CA3: variants seen among roughly 807,000 people sequenced by gnomAD.
The protein encoded by CA3 is carbonic anhydrase 3.
CA3 carries 30 observed loss-of-function variants against 35.7 expected under a neutral mutation model. The observed-to-expected ratio is 0.84, with a 90% CI of 0.63 to 1.14. The LOEUF is 1.14. CA3 is among the 50% of genes most tolerant of loss of function. The probability of loss-of-function intolerance (pLI) is 0.00; values close to 1 mark genes in which losing one functional copy is unlikely to be tolerated. For missense variants in CA3, 295 were observed against 328.5 expected, an observed-to-expected ratio of 0.90 and a Z score of 0.79; for synonymous variants, 131 against 130.8, an observed-to-expected ratio of 1.00 and a Z score of -0.01.
At chr8:85,445,029 T>G (rs892509210) in intron 4 of CA3, 127 bp from the exon 5 acceptor site, 5 of 565,092 alleles carry the variant, frequency 8.8e-6, no homozygotes, top group Non-Finnish European at 1.3e-5. Flanking sequence ...TGTTTTTGCT[T>G]AGTACGAGAT....
chr8:85,448,062 G>C lies in CA3; in HGVS notation c.692G>C (p.Ser231Thr). Residue 231 changes from serine (S) to threonine (T), a missense_variant, in exon 7 of 7, where the codon AGT (serine) becomes ACT (threonine). Ser to Thr is a moderately conservative substitution (Grantham distance 58, BLOSUM62 1). Coordinates refer to ENST00000285381, the MANE Select transcript of CA3 (RefSeq NM_005181.4). ...QMAKLRSLLS[S>T]AENEPPVPLV... The stretch of plus-strand genomic sequence containing the variant: ...GCCAAGCTGCGGAGCCTCCTCTCCA[G>C]TGCTGAGAACGAGCCCCCAGTGCCT... 6.2e-7 allele frequency: 1 copy of C among 1,613,380 alleles called. No individual in the cohort carries two copies. The highest frequency in any genetic ancestry group is 8.5e-7 in the Non-Finnish European group (1 of 1,179,682).
chr8:85,444,283 C>G (rs1022471309), intron 4 of CA3, among the ~76,000 whole-genome samples, 157 bp downstream of exon 4: 1 of 152,158 alleles, frequency 6.6e-6, no homozygotes, highest in African/African-American at 2.4e-5. Context: ...AAGATCAGCT[C>G]AAAATGTCTT....
chr8:85,440,899 G>A (rs1302957803), intron 2 of CA3, among the ~76,000 whole-genome samples: 1 of 152,046 alleles, frequency 6.6e-6, no homozygotes, highest in Non-Finnish European at 1.5e-5. Context: ...CATTTTGAAA[G>A]CAACATAACA....
Position 85,438,899 on chromosome 8 carries a change from G to A in CA3, c.-11G>A. The A allele has an allele frequency of 6.4e-7, 1 of 1,551,104 alleles. No individual in the cohort carries two copies. Among genetic ancestry groups the A allele is most frequent in the South Asian group, 1.2e-5 (1 of 84,038 alleles). On this transcript the variant is annotated 5_prime_UTR_variant, in exon 1 of 7. Coordinates refer to ENST00000285381, the MANE Select transcript of CA3 (RefSeq NM_005181.4). Reference sequence around the variant, plus strand: ...GAAAGCAGGAGCCGTCCAGCACGGAGGAAGGCGACCATGGCCAAGGAGTGG... The same window carrying A: ...GAAAGCAGGAGCCGTCCAGCACGGAAGAAGGCGACCATGGCCAAGGAGTGG...
chr8:85,441,292 C>T (rs1380209791), intron 2 of CA3, among the ~76,000 whole-genome samples: 1 of 152,210 alleles, frequency 6.6e-6, no homozygotes, highest in African/African-American at 2.4e-5. Context: ...CTCTAAATCA[C>T]TCTGCAATGG....
chr8:85,439,027 G>A (rs1585997162), intron 1 of CA3, 84 bp downstream of exon 1: 1 of 1,355,250 alleles, frequency 7.4e-7, no homozygotes, highest in Non-Finnish European at 1.0e-6. Context: ...GGCAACTTTA[G>A]AGACTGCAGT....
At chr8:85,441,245 T>G (rs373316906) in intron 2 of CA3, among the ~76,000 whole-genome samples, 14 of 152,248 alleles carry the variant, frequency 9.2e-5, no homozygotes, top group East Asian at 3.9e-4. Flanking sequence ...TTAGGGTTTC[T>G]GCATAGTTTC....
intron 1 of CA3, 25 bp downstream of exon 1, chr8:85,438,968 G>A (rs1292670181): frequency 6.4e-7 from 1 of 1,550,774 alleles, no homozygotes; most frequent in Non-Finnish European, 8.7e-7. Flanking sequence ...CCGCGACCCG[G>A]CCAGGAAGGG....
intron 5 of CA3, among the ~76,000 whole-genome samples, 164 bp downstream of exon 5, chr8:85,445,382 T>A (rs1811272838): frequency 6.6e-6 from 1 of 152,074 alleles, no homozygotes; most frequent in Non-Finnish European, 1.5e-5. Context: ...GGCATACAGT[T>A]TTTAGAGCAA....
chr8:85,446,844 C>T (rs1340273549), intron 6 of CA3, among the ~76,000 whole-genome samples: 2 of 152,166 alleles, frequency 1.3e-5, no homozygotes, highest in African/African-American at 4.8e-5. Context: ...TCAAGGTTCC[C>T]TTCTTACTGT....
chr8:85,441,741 A>G, intron 2 of CA3: 1 of 255,236 alleles, frequency 3.9e-6, no homozygotes, highest in Non-Finnish European at 7.8e-6. Flanking sequence ...AGTTCTTCCC[A>G]CTGCACCACA....
intron 4 of CA3, among the ~76,000 whole-genome samples, chr8:85,444,559 G>A (rs1011193433): frequency 6.6e-6 from 1 of 152,178 alleles, no homozygotes; most frequent in Admixed American, 6.5e-5. Flanking sequence ...CTCGGCTTGA[G>A]GTGGTCACCA....
chr8:85,448,279 A>C lies in CA3; in HGVS notation c.*126A>C. 1.1e-6 allele frequency: 1 copy of C among 925,786 alleles called. No individual in the cohort carries two copies. The highest frequency in any genetic ancestry group is 1.5e-6 in the Non-Finnish European group (1 of 655,456). 57.3% of individuals were successfully genotyped at this position (925,786 alleles called of 1,614,324 possible). A position where few individuals can be genotyped will look rare whatever the true frequency, so the allele number is the denominator to read the frequency against. ...TTCCACACTGAGCAATGAATGTGAGAGATGTGGTCACCAAGATCTAAGTTA... is the reference window on the plus strand; with the variant it reads ...TTCCACACTGAGCAATGAATGTGAGCGATGTGGTCACCAAGATCTAAGTTA... On this transcript the variant is annotated 3_prime_UTR_variant, in exon 7 of 7. Coordinates refer to ENST00000285381, the MANE Select transcript of CA3 (RefSeq NM_005181.4).
intron 6 of CA3, among the ~76,000 whole-genome samples, chr8:85,446,828 C>T (rs1811299520): frequency 6.6e-6 from 1 of 152,234 alleles, no homozygotes; most frequent in South Asian, 2.1e-4. Flanking sequence ...TTTTTGGCAT[C>T]TCTTCTCAAG....
chr8:85,449,004 A>C lies in CA3; in HGVS notation c.*851A>C, dbSNP rs1398948550. On this transcript the variant is annotated 3_prime_UTR_variant, in exon 7 of 7. Coordinates refer to ENST00000285381, the MANE Select transcript of CA3 (RefSeq NM_005181.4). ...TGACACTTGAAGTCAAAGCAGTTGT[A>C]CTGATCACCAGAACCAATAAAGACA... 6.6e-6 allele frequency: 1 copy of C among 152,260 alleles called. No homozygotes were observed. Among genetic ancestry groups the C allele is most frequent in the East Asian group, 1.9e-4 (1 of 5,200 alleles). 9.4% of individuals were successfully genotyped at this position (152,260 alleles called of 1,614,324 possible).
In CA3 at chr8:85,439,851, C is replaced by T; in HGVS notation, c.174C>T (p.Thr58=). The T allele has an allele frequency of 6.2e-7, 1 of 1,613,922 alleles. No homozygotes were observed. Among genetic ancestry groups the T allele is most frequent in the Non-Finnish European group, 8.5e-7 (1 of 1,179,978 alleles). Residue 58 remains threonine, a synonymous_variant, in exon 2 of 7, where the codon ACC becomes ACT. Coordinates refer to ENST00000285381, the MANE Select transcript of CA3 (RefSeq NM_005181.4). The part of the protein sequence containing the change: ...SVSYDGGSAK[T]ILNNGKTCRV... ...CTTATGATGGTGGCTCTGCCAAGAC[C>T]ATCCTGAATAATGGGAAGACCTGCC...
In CA3 at chr8:85,448,014, T is replaced by C. The variant is rs1811316382; in HGVS notation, c.664-20T>C. On this transcript the variant is annotated intron_variant, in intron 6 of 6. Coordinates refer to ENST00000285381, the MANE Select transcript of CA3 (RefSeq NM_005181.4). The stretch of plus-strand genomic sequence containing the variant: ...GTTGATCCGAATGTCTTGTTAACAG[T>C]CTGCCCCTGCCCTTTGCAGATGGCC... 3 of 1,602,298 alleles carry C rather than the reference T, an allele frequency of 1.9e-6. No homozygotes were observed. Among genetic ancestry groups the C allele is most frequent in the Non-Finnish European group, 2.6e-6 (3 of 1,174,220 alleles).
chr8:85,443,248 CA>C (rs1199866969), intron 3 of CA3, among the ~76,000 whole-genome samples: 1 of 152,146 alleles, frequency 6.6e-6, no homozygotes, highest in African/African-American at 2.4e-5. Context: ...CATCAAATTA[CA>C]AGGGTTTAAG....
chr8:85,443,531 C>A (rs1585999096), intron 3 of CA3, among the ~76,000 whole-genome samples: 1 of 152,160 alleles, frequency 6.6e-6, no homozygotes, highest in Non-Finnish European at 1.5e-5. Context: ...ATCTAGAGAG[C>A]CATGGCAAGA....
Sources: gnomAD v4.1 joint callset for allele counts (sites outside exome capture counted in the v4.1 genomes callset) on GRCh38, gnomAD v4.1.1 for gene constraint, MANE v1.5 for transcripts, NCBI Gene and HGNC (gene_info 2026-07-23, HGNC 2026-07-21) for gene names.